Variants in SGCZ observed in about 807,000 individuals in gnomAD.
SGCZ encodes the protein zeta-sarcoglycan.
Under a neutral mutation model 41.3 loss-of-function variants are expected in SGCZ, and 40 were observed. The observed-to-expected ratio is 0.97, with a 90% confidence interval of 0.75 to 1.26. The LOEUF (loss-of-function observed/expected upper bound fraction) is 1.26, where lower values mean the gene tolerates loss of function less well. Ranked by LOEUF, SGCZ falls within the 50% of genes most tolerant of loss-of-function variation. SGCZ has a pLI of 0.00. For synonymous variants in SGCZ, 206 were observed against 137.5 expected (o/e 1.50, Z -3.49); for missense variants, 552 against 369.8 (o/e 1.49, Z -4.04).
At chr8:15,141,884 T>C (rs1474530950) in intron 1 of SGCZ, among the ~76,000 whole-genome samples, 2 of 131,490 alleles carry the variant, frequency 1.5e-5, no homozygotes, top group African/African-American at 2.8e-5. Context: ...ATGGCAACAG[T>C]GTGAGACTCT....
At chr8:14,200,881 G>T (rs1175722864) in intron 4 of SGCZ, among the ~76,000 whole-genome samples, 4 of 152,102 alleles carry the variant, frequency 2.6e-5, no homozygotes, top group African/African-American at 7.2e-5. Context: ...GAAAATATTT[G>T]CAGAATTACA....
chr8:14,208,713 A>G (rs1434179036), intron 4 of SGCZ, among the ~76,000 whole-genome samples: 1 of 152,164 alleles, frequency 6.6e-6, no homozygotes, highest in Non-Finnish European at 1.5e-5. Flanking sequence ...TGTTTTTATC[A>G]TAAAATTATT....
intron 1 of SGCZ, among the ~76,000 whole-genome samples, chr8:15,004,311 C>T (rs1400292479): frequency 6.6e-6 from 1 of 152,094 alleles, no homozygotes; most frequent in African/African-American, 2.4e-5. Flanking sequence ...AATGTGCATG[C>T]AACACCAGGC....
rs1024679492 is a variant in SGCZ, at chr8:14,444,496, G to C, written c.234+110236C>G. On this transcript the variant is annotated intron_variant, in intron 2 of 7. Coordinates refer to ENST00000382080, the MANE Select transcript of SGCZ (RefSeq NM_139167.4). Reference sequence around the variant, plus strand: ...ACTATGCAGCCATAAAAAATGATGAGTTCATGTCCTTTGTAGGAACATGGA... The same window carrying C: ...ACTATGCAGCCATAAAAAATGATGACTTCATGTCCTTTGTAGGAACATGGA... Among the ~76,000 whole-genome samples the C allele has an allele frequency of 1.3e-4, 20 of 152,190 alleles. 1 individual carries two copies. The highest frequency in any genetic ancestry group is 4.8e-4 in the African/African-American group (20 of 41,508).
chr8:14,436,242 G>A (rs946572884), intron 2 of SGCZ, among the ~76,000 whole-genome samples: 6 of 152,180 alleles, frequency 3.9e-5, no homozygotes, highest in Admixed American at 3.3e-4. Flanking sequence ...AGACCCTGGC[G>A]ATGAGCCTCT....
chr8:15,236,980 G>T (rs1444050370), intron 1 of SGCZ, among the ~76,000 whole-genome samples: 1 of 152,208 alleles, frequency 6.6e-6, no homozygotes, highest in Non-Finnish European at 1.5e-5. Context: ...CCCGGCAGCG[G>T]GGGTACCTCT....
chr8:14,207,756 C>G (rs1190982256), intron 4 of SGCZ, among the ~76,000 whole-genome samples: 1 of 152,050 alleles, frequency 6.6e-6, no homozygotes, highest in Non-Finnish European at 1.5e-5. Flanking sequence ...TTCATTCTAC[C>G]CTTCTACTAC....
At chr8:14,914,874 C>T (rs1799380901) in intron 1 of SGCZ, among the ~76,000 whole-genome samples, 1 of 152,110 alleles carries the variant, frequency 6.6e-6, no homozygotes, top group Admixed American at 6.6e-5. Flanking sequence ...GAAGAGTTTG[C>T]TCCTTTGCTG....
intron 1 of SGCZ, among the ~76,000 whole-genome samples, chr8:14,741,625 TTA>T (rs1367249871): frequency 6.6e-6 from 1 of 152,124 alleles, no homozygotes; most frequent in Non-Finnish European, 1.5e-5. Context: ...GAAATGCTTT[TTA>T]TATTATTGTC....
chr8:14,269,207 C>T (rs1799977258), intron 3 of SGCZ, among the ~76,000 whole-genome samples: 1 of 152,208 alleles, frequency 6.6e-6, no homozygotes, highest in Admixed American at 6.5e-5. Context: ...TAAGCACTTT[C>T]ACACCTCAAA....
chr8:14,707,546 G>A (rs1809371860), intron 1 of SGCZ, among the ~76,000 whole-genome samples: 1 of 152,102 alleles, frequency 6.6e-6, no homozygotes, highest in African/African-American at 2.4e-5. Context: ...ATAAAAGACT[G>A]AATGGTGGGC....
chr8:14,180,729 C>A (rs946279325), intron 4 of SGCZ, among the ~76,000 whole-genome samples: 10 of 152,018 alleles, frequency 6.6e-5, no homozygotes, highest in African/African-American at 1.9e-4. Context: ...ACAGGCCTGA[C>A]AAACCCTCAG....
At chr8:14,281,014 A>T (rs10108151) in intron 3 of SGCZ, among the ~76,000 whole-genome samples, 107,124 of 151,550 alleles carry the variant, frequency 0.71, 38,108 homozygotes, top group Admixed American at 0.73. Context: ...AGACAAATTT[A>T]TTTCCCTGCT....
intron 5 of SGCZ, among the ~76,000 whole-genome samples, chr8:14,127,192 G>A (rs1337009253): frequency 1.3e-5 from 2 of 151,906 alleles, no homozygotes; most frequent in African/African-American, 4.8e-5. Context: ...AAATAAATGA[G>A]GCTGAATTAT....
intron 1 of SGCZ, among the ~76,000 whole-genome samples, chr8:15,028,402 T>C (rs4599812): frequency 0.53 from 69,317 of 129,728 alleles, 21,691 homozygotes; most frequent in Non-Finnish European, 0.63. Context: ...TCTTTCTAAG[T>C]TGAAGTCAGT....
chr8:14,159,438 G>T (rs1382401394), intron 5 of SGCZ, among the ~76,000 whole-genome samples: 1 of 152,174 alleles, frequency 6.6e-6, no homozygotes, highest in African/African-American at 2.4e-5. Flanking sequence ...CTTATTTTGT[G>T]AAGATGGCAT....
intron 1 of SGCZ, among the ~76,000 whole-genome samples, chr8:14,840,332 T>C (rs969564926): frequency 7.9e-5 from 12 of 152,126 alleles, no homozygotes; most frequent in Non-Finnish European, 2.9e-5. Flanking sequence ...AAGATTATAG[T>C]GTGGTTTCAA....
chr8:14,401,914 AG>A (rs1799087840), intron 2 of SGCZ, among the ~76,000 whole-genome samples: 1 of 150,580 alleles, frequency 6.6e-6, no homozygotes, highest in Non-Finnish European at 1.5e-5. Flanking sequence ...ACAGTGTAAA[AG>A]TGTTCCTATT....
intron 1 of SGCZ, among the ~76,000 whole-genome samples, chr8:14,680,215 G>A (rs1164327441): frequency 1.3e-5 from 2 of 152,076 alleles, no homozygotes; most frequent in African/African-American, 2.4e-5. Flanking sequence ...GAGATAAACA[G>A]GCAAAACATG....
Sources: gnomAD v4.1 joint callset for allele counts (sites outside exome capture counted in the v4.1 genomes callset) on GRCh38, gnomAD v4.1.1 for gene constraint, MANE v1.5 for transcripts, NCBI Gene and HGNC (gene_info 2026-07-23, HGNC 2026-07-21) for gene names.